BTRC: variants seen among roughly 807,000 people sequenced by gnomAD.
The protein encoded by BTRC is F-box/WD repeat-containing protein 1A.
In BTRC, 42 loss-of-function variants were observed where a neutral mutation model predicts 85.5. The observed-to-expected ratio is 0.49, with a 90% CI of 0.38 to 0.64. The LOEUF is 0.64. Ranked by LOEUF, BTRC falls within the 30% of genes least tolerant of loss-of-function variation. The pLI is 0.00. For synonymous variants in BTRC, 255 were observed against 263.3 expected (o/e 0.97, Z 0.30); for missense variants, 594 against 743.5 (o/e 0.80, Z 2.34).
chr10:101,482,262 C>G (rs557241672), intron 4 of BTRC, among the ~76,000 whole-genome samples: 1 of 152,080 alleles, frequency 6.6e-6, no homozygotes, highest in South Asian at 2.1e-4. Flanking sequence ...CTCAGGTGAT[C>G]TCTCTGCCTC....
At chr10:101,372,241 G>GTTTTCTTTTTCT in intron 1 of BTRC, among the ~76,000 whole-genome samples, 1 of 149,184 alleles carries the variant, frequency 6.7e-6, no homozygotes, top group African/African-American at 2.5e-5. Context: ...GGCCTTTTGC[G>GTTTTCTTTTTCT]TTTTCTTTTT....
intron 1 of BTRC, among the ~76,000 whole-genome samples, chr10:101,365,348 C>T (rs1303481485): frequency 6.7e-6 from 1 of 148,974 alleles, no homozygotes; most frequent in African/African-American, 2.5e-5. Flanking sequence ...GCTGGGATTA[C>T]TGGCGTGAGC....
At chr10:101,522,367 C>A (rs10883661) in intron 5 of BTRC, among the ~76,000 whole-genome samples, 9,224 of 20,600 alleles carry the variant, frequency 0.45, 1,266 homozygotes, top group Middle Eastern at 0.56. Context: ...AAAAAAAAAA[C>A]AAAAAAAAAC....
chr10:101,515,592 A>G lies in BTRC; in HGVS notation c.325-6047A>G, dbSNP rs185935449. On this transcript the variant is annotated intron_variant, in intron 4 of 14. Transcript: ENST00000370187. Reference sequence around the variant, plus strand: ...AGTGGCGTGATCTCAGCTCACTGCAATCTCCACCTCCCGGGTTCAAGTGAT... The same window carrying G: ...AGTGGCGTGATCTCAGCTCACTGCAGTCTCCACCTCCCGGGTTCAAGTGAT... Among the ~76,000 whole-genome samples, 28 of 150,872 alleles carry G rather than the reference A, an allele frequency of 1.9e-4. No individual in the cohort carries two copies. The East Asian group carries it at 3.6e-3, about 19-fold the overall frequency.
chr10:101,445,173 ATCTT>A (rs1364233344), intron 2 of BTRC, among the ~76,000 whole-genome samples: 1 of 152,164 alleles, frequency 6.6e-6, no homozygotes, highest in East Asian at 1.9e-4. Context: ...CTCTGGTAAG[ATCTT>A]TCTGATTTCT....
At chr10:101,414,572 G>A (rs1433868157) in intron 1 of BTRC, 4 of 502,512 alleles carry the variant, frequency 8.0e-6, no homozygotes, top group Non-Finnish European at 1.2e-5. Flanking sequence ...AACAGCGTTA[G>A]GCAGGTCCTT....
At chr10:101,467,590 G>T (rs1945413342) in intron 3 of BTRC, among the ~76,000 whole-genome samples, 1 of 151,998 alleles carries the variant, frequency 6.6e-6, no homozygotes, top group Admixed American at 6.6e-5. Context: ...TTCGTTTGGG[G>T]TTTGCATTAT....
At chr10:101,398,593 G>A (rs1413712229) in intron 1 of BTRC, among the ~76,000 whole-genome samples, 1 of 152,104 alleles carries the variant, frequency 6.6e-6, no homozygotes, top group Non-Finnish European at 1.5e-5. Flanking sequence ...ATGAGCAACT[G>A]CGCCCAGCTG....
At chr10:101,387,113 T>C (rs1943099006) in intron 1 of BTRC, among the ~76,000 whole-genome samples, 1 of 152,160 alleles carries the variant, frequency 6.6e-6, no homozygotes, top group African/African-American at 2.4e-5. Context: ...GGACTCATTC[T>C]GTTCTATTGT....
At chr10:101,460,487 C>G (rs1945195648) in intron 2 of BTRC, among the ~76,000 whole-genome samples, 1 of 152,012 alleles carries the variant, frequency 6.6e-6, no homozygotes, top group Non-Finnish European at 1.5e-5. Flanking sequence ...ATATAGCATG[C>G]TTTTTCTTTA....
intron 1 of BTRC, among the ~76,000 whole-genome samples, chr10:101,367,038 ATAT>A (rs1942476141): frequency 3.1e-5 from 2 of 64,608 alleles, no homozygotes; most frequent in African/African-American, 1.0e-4. Flanking sequence ...ATATTTATAT[ATAT>A]AAATATATAT....
chr10:101,422,012 G>A (rs1385388847), intron 1 of BTRC, among the ~76,000 whole-genome samples: 5 of 152,190 alleles, frequency 3.3e-5, no homozygotes, highest in Admixed American at 6.5e-5. Context: ...GGGTCAAATG[G>A]TATTTCTAGT....
chr10:101,527,606 T>G (rs2062211442), intron 6 of BTRC, among the ~76,000 whole-genome samples: 1 of 151,974 alleles, frequency 6.6e-6, no homozygotes, highest in Non-Finnish European at 1.5e-5. Context: ...ATCAAAAAAT[T>G]AGCTGGGCCT....
intron 3 of BTRC, among the ~76,000 whole-genome samples, chr10:101,464,312 G>A (rs928689455): frequency 2.6e-5 from 4 of 152,148 alleles, no homozygotes; most frequent in African/African-American, 9.7e-5. Context: ...GCAAGAGAGA[G>A]AATCATGCCT....
chr10:101,424,113 A>T (rs376428739), intron 1 of BTRC, among the ~76,000 whole-genome samples: 27 of 152,278 alleles, frequency 1.8e-4, no homozygotes, highest in African/African-American at 6.3e-4. Flanking sequence ...GCATGCCGGC[A>T]GTCCCAGCTA....
intron 13 of BTRC, among the ~76,000 whole-genome samples, chr10:101,549,736 A>AAAAAAAAAAAAAAG (rs2062619932): frequency 6.7e-6 from 1 of 149,002 alleles, no homozygotes; most frequent in African/African-American, 2.5e-5. Flanking sequence ...AAAAAAAAAA[A>AAAAAAAAAAAAAAG]GATGATGATG....
At chr10:101,394,244 A>G (rs1943308310) in intron 1 of BTRC, among the ~76,000 whole-genome samples, 1 of 152,136 alleles carries the variant, frequency 6.6e-6, no homozygotes, top group Admixed American at 6.6e-5. Flanking sequence ...TCGAGTACGA[A>G]CTCAATTATT....
chr10:101,498,398 G>GC (rs1447846808), intron 4 of BTRC, among the ~76,000 whole-genome samples: 30 of 152,040 alleles, frequency 2.0e-4, no homozygotes, highest in African/African-American at 6.5e-4. Flanking sequence ...CAGGTGATCT[G>GC]CCCCCCTTGG....
intron 1 of BTRC, among the ~76,000 whole-genome samples, chr10:101,381,455 G>T (rs1212609849): frequency 2.0e-5 from 3 of 152,092 alleles, no homozygotes; most frequent in Non-Finnish European, 4.4e-5. Flanking sequence ...CTATCTACTG[G>T]GTTGAAGATC....
Sources: allele counts gnomAD v4.1 joint callset (sites outside exome capture counted in the v4.1 genomes callset), GRCh38; gene constraint gnomAD v4.1.1; transcripts MANE v1.5; gene names NCBI Gene and HGNC (gene_info 2026-07-23, HGNC 2026-07-21).